CSMD3: variants seen among roughly 807,000 people sequenced by gnomAD.
The protein encoded by CSMD3 is CUB and sushi domain-containing protein 3.
In CSMD3, 177 loss-of-function variants were observed where a neutral mutation model predicts 435.2. The observed-to-expected ratio is 0.41, with a 90% confidence interval of 0.36 to 0.46. The LOEUF is 0.46. Ranked by LOEUF, CSMD3 falls within the 20% of genes least tolerant of loss-of-function variation. CSMD3 has a pLI of 0.34. For missense variants in CSMD3, 4,265 were observed against 4,504.6 expected, an observed-to-expected ratio of 0.95 and a Z score of 1.52; for synonymous variants, 1,656 against 1,520.5, an observed-to-expected ratio of 1.09 and a Z score of -2.07.
intron 5 of CSMD3, among the ~76,000 whole-genome samples, chr8:113,063,933 CT>C (rs2088729821): frequency 6.6e-6 from 1 of 151,362 alleles, no homozygotes; most frequent in South Asian, 2.1e-4. Flanking sequence ...AATAAAATTC[CT>C]TTAATATATT....
chr8:113,356,124 T>C (rs183573916), intron 1 of CSMD3, among the ~76,000 whole-genome samples: 41 of 152,148 alleles, frequency 2.7e-4, no homozygotes, highest in Non-Finnish European at 3.2e-4. Flanking sequence ...TATATTTCCA[T>C]TCATGCATAT....
intron 1 of CSMD3, among the ~76,000 whole-genome samples, chr8:113,429,336 A>C (rs2094656133): frequency 6.6e-6 from 1 of 151,860 alleles, no homozygotes; most frequent in African/African-American, 2.4e-5. Flanking sequence ...AATAAAACCC[A>C]TGAAAAAAAG....
Position 112,601,380 on chromosome 8 carries a change from CAG to C in CSMD3, c.3716-14147_3716-14146del, listed in dbSNP as rs1832338368. Among the ~76,000 whole-genome samples the C allele has an allele frequency of 2.6e-5, 4 of 152,032 alleles. No individual in the cohort carries two copies. In the South Asian group the frequency reaches 8.3e-4, roughly 32 times the overall value. The stretch of plus-strand genomic sequence containing the variant: ...TCACATAATGGGTGAACTTTAAGCA[CAG>C]ATAGTTCTGTCTCCAGGCCCAAGAC... On this transcript the variant is annotated intron_variant, in intron 22 of 70. Coordinates refer to ENST00000297405, the MANE Select transcript of CSMD3 (RefSeq NM_198123.2).
At chr8:112,336,554 A>C in intron 44 of CSMD3, 98 bp downstream of exon 44, 1 of 948,222 alleles carries the variant, frequency 1.1e-6, no homozygotes, top group Non-Finnish European at 1.7e-6. Context: ...CAAATATCAG[A>C]TGACAATTTG....
At chr8:112,770,648 A>G (rs928329882) in intron 13 of CSMD3, among the ~76,000 whole-genome samples, 3 of 152,040 alleles carry the variant, frequency 2.0e-5, no homozygotes, top group Non-Finnish European at 4.4e-5. Context: ...TTGTTACTCA[A>G]TTACGATCTT....
chr8:112,373,440 C>T (rs1009233310), intron 38 of CSMD3, among the ~76,000 whole-genome samples: 74 of 151,876 alleles, frequency 4.9e-4, no homozygotes, highest in African/African-American at 1.8e-3. Context: ...ACCACTCACA[C>T]GCAATATCAT....
At chr8:112,837,180 C>G (rs1264651837) in intron 11 of CSMD3, among the ~76,000 whole-genome samples, 2 of 151,674 alleles carry the variant, frequency 1.3e-5, no homozygotes, top group Non-Finnish European at 3.0e-5. Flanking sequence ...TAGAAAGCAT[C>G]TATTGATACA....
At chr8:112,966,199 T>A (rs942113813) in intron 7 of CSMD3, among the ~76,000 whole-genome samples, 6 of 151,810 alleles carry the variant, frequency 4.0e-5, no homozygotes, top group Admixed American at 3.3e-4. Context: ...TGAATAAAAT[T>A]AAGTAATTCT....
At chr8:112,357,619 C>T (rs1009644361) in intron 38 of CSMD3, among the ~76,000 whole-genome samples, 1 of 152,162 alleles carries the variant, frequency 6.6e-6, no homozygotes, top group African/African-American at 2.4e-5. Flanking sequence ...TTTCATGGGC[C>T]AGGCCCAGGG....
chr8:112,784,477 T>C (rs1309944827), intron 13 of CSMD3, among the ~76,000 whole-genome samples: 2 of 151,382 alleles, frequency 1.3e-5, no homozygotes, highest in Non-Finnish European at 3.0e-5. Context: ...TTCAACAAAA[T>C]GAAAATTTGT....
At chr8:113,094,837 C>T (rs1270385785) in intron 5 of CSMD3, among the ~76,000 whole-genome samples, 3 of 151,880 alleles carry the variant, frequency 2.0e-5, no homozygotes, top group Admixed American at 1.3e-4. Flanking sequence ...TTTGGGAGGC[C>T]GAGGACGGTA....
At chr8:112,332,279 TC>T (rs1824139380) in intron 45 of CSMD3, among the ~76,000 whole-genome samples, 1 of 149,492 alleles carries the variant, frequency 6.7e-6, no homozygotes, top group South Asian at 2.1e-4. Flanking sequence ...ATGGCAGTGA[TC>T]ACCATGAGTT....
At chr8:112,868,768 T>C (rs898383916) in intron 10 of CSMD3, among the ~76,000 whole-genome samples, 11 of 152,122 alleles carry the variant, frequency 7.2e-5, no homozygotes, top group African/African-American at 2.4e-4. Context: ...GGGGAAAGAA[T>C]AGTCTCTTCA....
At chr8:113,196,506 T>C (rs1321303318) in intron 3 of CSMD3, among the ~76,000 whole-genome samples, 4 of 151,214 alleles carry the variant, frequency 2.6e-5, no homozygotes, top group South Asian at 2.1e-4. Context: ...TTGATTACCT[T>C]AGATTTTAGC....
intron 45 of CSMD3, among the ~76,000 whole-genome samples, chr8:112,326,731 C>T (rs908272810): frequency 2.6e-5 from 4 of 152,154 alleles, no homozygotes; most frequent in African/African-American, 7.2e-5. Flanking sequence ...ATTGGATATT[C>T]TTGGCCAGGC....
chr8:113,299,416 T>C (rs1287585010), intron 2 of CSMD3, among the ~76,000 whole-genome samples: 4 of 151,948 alleles, frequency 2.6e-5, no homozygotes, highest in Non-Finnish European at 4.4e-5. Context: ...TCAATGGGGG[T>C]TGAGGAAACA....
chr8:112,821,192 G>A (rs2079521606), intron 12 of CSMD3, among the ~76,000 whole-genome samples: 1 of 152,038 alleles, frequency 6.6e-6, no homozygotes, highest in Non-Finnish European at 1.5e-5. Flanking sequence ...CGGGTCAAAT[G>A]GTATTTCTGG....
chr8:112,829,247 T>A (rs2079791440), intron 12 of CSMD3, among the ~76,000 whole-genome samples: 1 of 152,144 alleles, frequency 6.6e-6, no homozygotes, highest in Admixed American at 6.5e-5. Flanking sequence ...AGATGTTGAT[T>A]CACTAAGTTC....
intron 5 of CSMD3, among the ~76,000 whole-genome samples, chr8:113,029,372 T>C (rs944015355): frequency 6.6e-6 from 1 of 151,474 alleles, no homozygotes; most frequent in Non-Finnish European, 1.5e-5. Context: ...TGCTAAAATC[T>C]GTAACAAAAT....
Sources: gnomAD v4.1 joint callset for allele counts (sites outside exome capture counted in the v4.1 genomes callset) on GRCh38, gnomAD v4.1.1 for gene constraint, MANE v1.5 for transcripts, NCBI Gene and HGNC (gene_info 2026-07-23, HGNC 2026-07-21) for gene names.